KIF26B: variants seen among roughly 807,000 people sequenced by gnomAD.
KIF26B encodes the protein kinesin family member 26B.
A neutral mutation model predicts 151.2 loss-of-function variants in KIF26B; 63 were observed. The observed-to-expected ratio is 0.42, with a 90% CI of 0.34 to 0.51. KIF26B has a LOEUF of 0.51. Among genes scored for constraint, KIF26B ranks in the 20% least tolerant of loss-of-function variants. The pLI is 0.07. For missense variants in KIF26B, 2,813 were observed against 2,913.6 expected (o/e 0.97, Z 0.79); for synonymous variants, 1,357 against 1,262.1 (o/e 1.08, Z -1.59).
chr1:245,490,312 T>A (rs1188801311), intron 4 of KIF26B, among the ~76,000 whole-genome samples: 1 of 142,210 alleles, frequency 7.0e-6, no homozygotes, highest in Non-Finnish European at 1.5e-5. Flanking sequence ...GAACATTTTT[T>A]TTTTTTTTTT....
chr1:245,454,515 G>A (rs1326465347), intron 4 of KIF26B, among the ~76,000 whole-genome samples: 1 of 152,162 alleles, frequency 6.6e-6, no homozygotes, highest in East Asian at 1.9e-4. Flanking sequence ...CTCCCTCTGA[G>A]GTGCTCAGAG....
chr1:245,426,858 G>T (rs1756917), intron 4 of KIF26B, among the ~76,000 whole-genome samples: 17,384 of 152,222 alleles, frequency 0.11, 1,190 homozygotes, highest in African/African-American at 0.18. Flanking sequence ...CCGCACTCTC[G>T]CTGAGAAGCA....
At chr1:245,370,645 A>G in intron 3 of KIF26B, 1 of 456,642 alleles carries the variant, frequency 2.2e-6, no homozygotes, top group Non-Finnish European at 4.4e-6. Flanking sequence ...AGCGCTGATG[A>G]GCGAGGACAG....
chr1:245,182,679 A>G (rs1025414807), intron 2 of KIF26B, among the ~76,000 whole-genome samples: 6 of 152,146 alleles, frequency 3.9e-5, no homozygotes, highest in African/African-American at 1.4e-4. Context: ...TCTGTCGCCC[A>G]GGCTGGAGTG....
At position 245,305,923 on chromosome 1, in the gene KIF26B, C is replaced by A. The variant is rs1243610231; in HGVS notation, c.466-60911C>A. Among the ~76,000 whole-genome samples, 3 of 112,680 alleles carry A rather than the reference C, an allele frequency of 2.7e-5. No homozygotes were observed. In the Admixed American group the frequency reaches 4.1e-4, roughly 15 times the overall value. The allele number at this position is 112,680 out of a possible 152,430, so 73.9% of individuals were successfully genotyped here. On this transcript the variant is annotated intron_variant, in intron 2 of 14. Transcript: ENST00000407071. ...CTGCACTCCAGCCTGGGTGACAGAG[C>A]GAGACGACTCCTCAAAAAAAAAAAA...
At chr1:245,362,754 G>A (rs561535220) in intron 2 of KIF26B, among the ~76,000 whole-genome samples, 3 of 152,010 alleles carry the variant, frequency 2.0e-5, no homozygotes, top group Admixed American at 6.5e-5. Flanking sequence ...GATTACAGGC[G>A]TGAGCCACGG....
At chr1:245,674,466 G>A (rs988961118) in intron 10 of KIF26B, among the ~76,000 whole-genome samples, 2 of 152,154 alleles carry the variant, frequency 1.3e-5, no homozygotes, top group Non-Finnish European at 2.9e-5. Flanking sequence ...TAAGTGCACA[G>A]GGTCTTATTA....
intron 3 of KIF26B, among the ~76,000 whole-genome samples, chr1:245,413,901 TC>T (rs1674353319): frequency 6.6e-6 from 1 of 152,182 alleles, no homozygotes; most frequent in Admixed American, 6.5e-5. Context: ...TGGCTCCTCC[TC>T]CTACTAGCTG....
intron 9 of KIF26B, among the ~76,000 whole-genome samples, chr1:245,645,396 C>T (rs1001697377): frequency 2.0e-5 from 3 of 152,236 alleles, no homozygotes; most frequent in African/African-American, 7.2e-5. Flanking sequence ...CTCTGCAGTA[C>T]TCTGTCTTGT....
At chr1:245,440,384 G>A in intron 4 of KIF26B, among the ~76,000 whole-genome samples, 1 of 152,162 alleles carries the variant, frequency 6.6e-6, no homozygotes, top group East Asian at 1.9e-4. Flanking sequence ...TTTGGCACGT[G>A]GATAGATTAT....
chr1:245,694,713 G>A (rs1470727829), intron 12 of KIF26B, among the ~76,000 whole-genome samples: 4 of 152,214 alleles, frequency 2.6e-5, no homozygotes, highest in Admixed American at 2.0e-4. Flanking sequence ...CAGGAGGGGC[G>A]AGGGGGTGGG....
chr1:245,519,268 G>T (rs1233019474), intron 4 of KIF26B, among the ~76,000 whole-genome samples: 1 of 152,060 alleles, frequency 6.6e-6, no homozygotes. Flanking sequence ...ATTAAGTACA[G>T]TGAGGCCAGG....
chr1:245,233,655 A>C lies in KIF26B; in HGVS notation c.465+76972A>C, dbSNP rs538867166. Among the ~76,000 whole-genome samples the C allele has an allele frequency of 5.9e-5, 9 of 152,274 alleles. No individual in the cohort carries two copies. The South Asian group carries it at 1.9e-3, about 32-fold the overall frequency. On this transcript the variant is annotated intron_variant, in intron 2 of 14. Coordinates refer to ENST00000407071, the MANE Select transcript of KIF26B (RefSeq NM_018012.4). ...TTCTCCCTACACACACTTAAAAAAAAATCTCTTAACTAACCACAGACACAT... is the reference window on the plus strand; with the variant it reads ...TTCTCCCTACACACACTTAAAAAAACATCTCTTAACTAACCACAGACACAT...
intron 3 of KIF26B, among the ~76,000 whole-genome samples, chr1:245,389,230 C>G (rs1384489016): frequency 6.6e-6 from 1 of 152,186 alleles, no homozygotes. Flanking sequence ...TCTCCTGCCT[C>G]AGCCTCCTGA....
chr1:245,693,459 C>T (rs1477196062), intron 12 of KIF26B, among the ~76,000 whole-genome samples: 1 of 152,190 alleles, frequency 6.6e-6, no homozygotes, highest in Non-Finnish European at 1.5e-5. Context: ...CGGCACAGTC[C>T]TGAAAGTTTA....
intron 4 of KIF26B, among the ~76,000 whole-genome samples, chr1:245,480,435 C>T (rs1225327619): frequency 6.6e-6 from 1 of 151,674 alleles, no homozygotes; most frequent in Non-Finnish European, 1.5e-5. Flanking sequence ...GAGTGCTCTG[C>T]CAGCTTAGGG....
intron 2 of KIF26B, among the ~76,000 whole-genome samples, chr1:245,331,632 C>CTCTA (rs1672117271): frequency 6.6e-6 from 1 of 152,102 alleles, no homozygotes; most frequent in African/African-American, 2.4e-5. Context: ...TTCCATGGAG[C>CTCTA]TCTAGTTGGC....
At chr1:245,212,082 C>G (rs1364778193) in intron 2 of KIF26B, among the ~76,000 whole-genome samples, 1 of 152,160 alleles carries the variant, frequency 6.6e-6, no homozygotes, top group Non-Finnish European at 1.5e-5. Context: ...CTCCCCACCC[C>G]CAGACCCTTC....
chr1:245,442,761 C>A (rs987598983), intron 4 of KIF26B, among the ~76,000 whole-genome samples: 1 of 131,704 alleles, frequency 7.6e-6, no homozygotes. Flanking sequence ...TCACCTACAG[C>A]GGTCATCTCC....
Sources: allele counts gnomAD v4.1 joint callset (sites outside exome capture counted in the v4.1 genomes callset), GRCh38; gene constraint gnomAD v4.1.1; transcripts MANE v1.5; gene names NCBI Gene and HGNC (gene_info 2026-07-23, HGNC 2026-07-21).